The following CFAP92 variants were observed in gnomAD, a reference collection of about 807,000 sequenced individuals.
The protein encoded by CFAP92 is uncharacterized protein CFAP92.
Under a neutral mutation model 106.3 loss-of-function variants are expected in CFAP92, and 86 were observed. The ratio of observed to expected loss-of-function variants is 0.81; its 90% CI spans 0.68 to 0.97. CFAP92 has a LOEUF of 0.97. Among genes scored for constraint, CFAP92 ranks in the 50% least tolerant of loss-of-function variants. The pLI is 0.00. For missense variants in CFAP92, 1,204 were observed against 1,283.8 expected, an observed-to-expected ratio of 0.94 and a Z score of 0.95; for synonymous variants, 477 against 506.4, an observed-to-expected ratio of 0.94 and a Z score of 0.78.
chr3:128,993,393 G>T (rs1254819874), intron 1 of CFAP92, 57 bp from the exon 2 acceptor site: 48 of 1,502,454 alleles, frequency 3.2e-5, no homozygotes, highest in Non-Finnish European at 4.2e-5. Context: ...GCTCCAGGAG[G>T]TAAGCCCGGC....
chr3:128,935,423 A>G, intron 10 of CFAP92, 104 bp from the exon 11 acceptor site: 1 of 729,942 alleles, frequency 1.4e-6, no homozygotes, highest in Non-Finnish European at 2.1e-6. Flanking sequence ...TTAAAAACAA[A>G]CCCAGGGGCC....
chr3:128,924,361 G>A (rs887182904), intron 12 of CFAP92, among the ~76,000 whole-genome samples: 20 of 150,990 alleles, frequency 1.3e-4, no homozygotes, highest in South Asian at 4.2e-4. Flanking sequence ...AACCCCTTGC[G>A]GCCTCTGGAA....
chr3:128,957,506 C>T (rs906606026), intron 9 of CFAP92, among the ~76,000 whole-genome samples: 1 of 151,988 alleles, frequency 6.6e-6, no homozygotes, highest in African/African-American at 2.4e-5. Context: ...TTCAAAAATA[C>T]TACAGATAAA....
At chr3:128,957,626 T>C (rs896827890) in intron 9 of CFAP92, among the ~76,000 whole-genome samples, 7 of 152,232 alleles carry the variant, frequency 4.6e-5, no homozygotes, top group African/African-American at 1.4e-4. Flanking sequence ...ATTAAAATGG[T>C]AGACTTAAGC....
the CFAP92 span, among the ~76,000 whole-genome samples, chr3:129,011,567 G>A: frequency 5.4e-5 from 8 of 148,422 alleles, no homozygotes; most frequent in African/African-American, 7.6e-5. Context: ...AAAAAAAAAA[G>A]AATGAAGCAG....
chr3:129,009,867 G>A, the CFAP92 span, among the ~76,000 whole-genome samples: 753 of 152,302 alleles, frequency 4.9e-3, 7 homozygotes, highest in African/African-American at 0.017. Flanking sequence ...GTTTCGGGGG[G>A]ACTCTGTAAC....
chr3:129,005,213 C>T (rs1945016921), upstream of CFAP92, among the ~76,000 whole-genome samples: 1 of 152,252 alleles, frequency 6.6e-6, no homozygotes, highest in African/African-American at 2.4e-5. Context: ...TTCACAGGAA[C>T]AGATGCGTGG....
chr3:128,951,809 G>T (rs950391134), intron 9 of CFAP92, among the ~76,000 whole-genome samples: 2 of 152,148 alleles, frequency 1.3e-5, no homozygotes, highest in African/African-American at 4.8e-5. Flanking sequence ...TGGGAAGCCT[G>T]GACTTCTACC....
the CFAP92 span, among the ~76,000 whole-genome samples, chr3:129,015,889 C>T: frequency 3.9e-5 from 6 of 152,170 alleles, no homozygotes; most frequent in South Asian, 2.1e-4. Context: ...CAAAGGAAGC[C>T]GCTGTGTGCG....
At chr3:128,942,123 G>A (rs1050327618) in intron 10 of CFAP92, among the ~76,000 whole-genome samples, 2 of 152,254 alleles carry the variant, frequency 1.3e-5, no homozygotes, top group South Asian at 2.1e-4. Flanking sequence ...TTCTGAGACC[G>A]CCCTCTGGTT....
intron 10 of CFAP92, among the ~76,000 whole-genome samples, chr3:128,942,501 G>A (rs745621709): frequency 2.6e-5 from 4 of 152,166 alleles, no homozygotes; most frequent in African/African-American, 7.2e-5. Flanking sequence ...CGAAGCACCT[G>A]GTTGGTCTTT....
At chr3:128,964,161 T>A (rs1005682099) in intron 9 of CFAP92, among the ~76,000 whole-genome samples, 2 of 152,234 alleles carry the variant, frequency 1.3e-5, no homozygotes, top group Non-Finnish European at 2.9e-5. Flanking sequence ...GTGAAACCTT[T>A]ATATCCCTTA....
At chr3:128,999,443 A>G (rs533600165) in intron 1 of CFAP92, among the ~76,000 whole-genome samples, 122 of 141,846 alleles carry the variant, frequency 8.6e-4, no homozygotes, top group Middle Eastern at 3.7e-3. Context: ...GGATTCCTTC[A>G]CCAGCTGCAG....
intron 12 of CFAP92, 67 bp downstream of exon 12, chr3:128,932,633 C>A: frequency 6.9e-7 from 1 of 1,448,876 alleles, no homozygotes; most frequent in Non-Finnish European, 9.1e-7. Flanking sequence ...CCCTATGCCT[C>A]TCAGCAGGCG....
At chr3:128,958,406 G>A (rs1387719235) in intron 9 of CFAP92, among the ~76,000 whole-genome samples, 1 of 152,184 alleles carries the variant, frequency 6.6e-6, no homozygotes, top group Non-Finnish European at 1.5e-5. Context: ...AAATGGCACA[G>A]ACCTATATAC....
At position 128,945,482 on chromosome 3, in the gene CFAP92, T is replaced by C; in HGVS notation, c.1847A>G (p.Gln616Arg). 6.5e-7 allele frequency: 1 copy of C among 1,536,170 alleles called. No homozygotes were observed. The highest frequency in any genetic ancestry group is 1.2e-5 in the South Asian group (1 of 84,068). ...VGLGVPRDGHQHGPMPRGNYL... is the reference protein window; with the variant it reads ...VGLGVPRDGHRHGPMPRGNYL... ...GTTGCCCCTGGGCATTGGGCCGTGCTGGTGGCCATCTCTGGGGACCCCAAG... is the reference window on the plus strand; with the variant it reads ...GTTGCCCCTGGGCATTGGGCCGTGCCGGTGGCCATCTCTGGGGACCCCAAG... Residue 616 changes from glutamine (Q) to arginine (R), a missense_variant, in exon 10 of 16, where the codon CAG becomes CGG. Gln to Arg is a conservative substitution (Grantham distance 43). Coordinates refer to ENST00000645291, the MANE Select transcript of CFAP92 (RefSeq NM_001394090.1).
At chr3:128,983,704 G>A (rs1943667634) in intron 4 of CFAP92, among the ~76,000 whole-genome samples, 1 of 152,232 alleles carries the variant, frequency 6.6e-6, no homozygotes, top group African/African-American at 2.4e-5. Context: ...GATGAGGCTG[G>A]GAGCCGTGGA....
chr3:128,929,354 T>G (rs1938077304), intron 12 of CFAP92, among the ~76,000 whole-genome samples: 1 of 152,188 alleles, frequency 6.6e-6, no homozygotes, highest in Non-Finnish European at 1.5e-5. Flanking sequence ...AAACCGCTTT[T>G]CTTACAATGT....
upstream of CFAP92, among the ~76,000 whole-genome samples, chr3:128,996,470 C>A (rs1944483897): frequency 6.6e-6 from 1 of 152,114 alleles, no homozygotes; most frequent in Non-Finnish European, 1.5e-5. Context: ...TGGGTCAAGA[C>A]CTAGGGCATC....
Sources: allele counts gnomAD v4.1 joint callset (sites outside exome capture counted in the v4.1 genomes callset), GRCh38; gene constraint gnomAD v4.1.1; transcripts MANE v1.5; gene names NCBI Gene and HGNC (gene_info 2026-07-23, HGNC 2026-07-21).